Variants in CCSER1 observed in about 807,000 individuals in gnomAD.
CCSER1 encodes coiled-coil serine rich protein 1.
CCSER1 carries 41 observed loss-of-function variants against 82.0 expected under a neutral mutation model. That is an observed-to-expected ratio of 0.50 (90% CI 0.39 to 0.65). CCSER1 has a LOEUF of 0.65. Among genes scored for constraint, CCSER1 ranks in the 30% least tolerant of loss-of-function variants. The pLI is 0.00. For synonymous variants in CCSER1, 414 were observed against 383.9 expected, an observed-to-expected ratio of 1.08 and a Z score of -0.92; for missense variants, 1,119 against 1,064.2, an observed-to-expected ratio of 1.05 and a Z score of -0.72.
At chr4:90,551,702 C>G (rs1317649311) in intron 5 of CCSER1, among the ~76,000 whole-genome samples, 1 of 113,972 alleles carries the variant, frequency 8.8e-6, no homozygotes, top group Non-Finnish European at 1.7e-5. Flanking sequence ...CTCTCTCTCT[C>G]TCTCTATATA....
At chr4:90,867,091 T>C (rs1372670379) in intron 8 of CCSER1, among the ~76,000 whole-genome samples, 1 of 152,024 alleles carries the variant, frequency 6.6e-6, no homozygotes, top group African/African-American at 2.4e-5. Context: ...CTATTCGCAC[T>C]TGCCCTCCCC....
intron 8 of CCSER1, among the ~76,000 whole-genome samples, chr4:90,862,970 G>A (rs1479497837): frequency 7.3e-6 from 1 of 136,336 alleles, no homozygotes; most frequent in South Asian, 2.3e-4. Flanking sequence ...TTAAGTTTTA[G>A]GGTACATGTG....
At chr4:91,399,757 TA>T (rs1354133262) in intron 10 of CCSER1, among the ~76,000 whole-genome samples, 1 of 151,964 alleles carries the variant, frequency 6.6e-6, no homozygotes, top group Non-Finnish European at 1.5e-5. Context: ...AGAGCAAATA[TA>T]AACTTGTGCT....
intron 9 of CCSER1, among the ~76,000 whole-genome samples, chr4:90,933,376 A>G (rs924932884): frequency 6.6e-6 from 1 of 151,442 alleles, no homozygotes; most frequent in Non-Finnish European, 1.5e-5. Context: ...TTTAGTAGAG[A>G]CGGGGTTTCA....
At chr4:90,801,722 C>T (rs960049638) in intron 7 of CCSER1, among the ~76,000 whole-genome samples, 3 of 152,064 alleles carry the variant, frequency 2.0e-5, no homozygotes, top group Admixed American at 2.0e-4. Flanking sequence ...TTACTTTGAT[C>T]ATGGATATAT....
chr4:91,123,529 C>T (rs1050002644), intron 10 of CCSER1, among the ~76,000 whole-genome samples: 6 of 151,594 alleles, frequency 4.0e-5, no homozygotes, highest in Non-Finnish European at 7.4e-5. Context: ...GAAACCTAAG[C>T]CTTAACTCAA....
At position 90,506,458 on chromosome 4, in the gene CCSER1, T is replaced by C. The variant is rs555837237; in HGVS notation, c.1724+38104T>C. 5.9e-5 allele frequency among the ~76,000 whole-genome samples: 9 copies of C among 152,316 alleles called. No individual in the cohort carries two copies. In the South Asian group the frequency reaches 1.9e-3, roughly 32 times the overall value. On this transcript the variant is annotated intron_variant, in intron 5 of 10. Transcript: ENST00000509176. ...TTTAATTCATCCAAATAAATGTTTTTCAGCATTTAAATATTAACTTTAGGC... is the reference window on the plus strand; with the variant it reads ...TTTAATTCATCCAAATAAATGTTTTCCAGCATTTAAATATTAACTTTAGGC...
intron 3 of CCSER1, among the ~76,000 whole-genome samples, chr4:90,332,653 TTCTC>T (rs1225766759): frequency 4.6e-5 from 7 of 152,214 alleles, no homozygotes; most frequent in Non-Finnish European, 5.9e-5. Context: ...TTGTCTTTCT[TTCTC>T]TCTCCTTCTG....
At chr4:91,002,661 T>C (rs1738140137) in intron 9 of CCSER1, among the ~76,000 whole-genome samples, 1 of 152,186 alleles carries the variant, frequency 6.6e-6, no homozygotes, top group Non-Finnish European at 1.5e-5. Flanking sequence ...CTTGTATCTT[T>C]TTTAAAATTT....
At chr4:90,573,469 A>T (rs1010981161) in intron 5 of CCSER1, among the ~76,000 whole-genome samples, 8 of 152,174 alleles carry the variant, frequency 5.3e-5, no homozygotes, top group African/African-American at 1.4e-4. Flanking sequence ...CAAAGTGGAT[A>T]TTATCTCTCT....
intron 5 of CCSER1, among the ~76,000 whole-genome samples, chr4:90,535,151 A>G (rs1054653516): frequency 3.9e-5 from 6 of 152,182 alleles, no homozygotes; most frequent in Non-Finnish European, 7.3e-5. Flanking sequence ...ATACATTATT[A>G]ATATATTTTA....
chr4:90,901,123 G>A (rs1029451561), intron 8 of CCSER1, among the ~76,000 whole-genome samples: 5 of 151,656 alleles, frequency 3.3e-5, no homozygotes, highest in Non-Finnish European at 5.9e-5. Flanking sequence ...GCTCTTTCTT[G>A]TTTTTCATTT....
intron 10 of CCSER1, among the ~76,000 whole-genome samples, chr4:91,323,952 A>G (rs1288458184): frequency 6.6e-6 from 1 of 152,174 alleles, no homozygotes; most frequent in Non-Finnish European, 1.5e-5. Flanking sequence ...TGTCTTTTGT[A>G]TTCTCCGTCA....
intron 6 of CCSER1, among the ~76,000 whole-genome samples, chr4:90,638,273 T>G (rs565365815): frequency 6.6e-6 from 1 of 152,128 alleles, no homozygotes; most frequent in African/African-American, 2.4e-5. Flanking sequence ...ATGTGGTTGT[T>G]GCACAGGTTT....
At chr4:91,000,340 T>C (rs951512857) in intron 9 of CCSER1, among the ~76,000 whole-genome samples, 7 of 152,066 alleles carry the variant, frequency 4.6e-5, no homozygotes, top group East Asian at 1.9e-4. Flanking sequence ...GTAGTATAGG[T>C]TGAAATTGGG....
intron 6 of CCSER1, among the ~76,000 whole-genome samples, chr4:90,672,840 C>T (rs896665740): frequency 6.6e-6 from 1 of 151,834 alleles, no homozygotes; most frequent in South Asian, 2.1e-4. Flanking sequence ...GGAGATCCAA[C>T]GAGATGGTCA....
intron 8 of CCSER1, among the ~76,000 whole-genome samples, chr4:90,915,582 G>A (rs1311796669): frequency 6.6e-6 from 1 of 152,120 alleles, no homozygotes; most frequent in Admixed American, 6.5e-5. Context: ...AAAACTGGAA[G>A]CATTCCCTTT....
At chr4:91,053,406 G>T (rs1263421055) in intron 9 of CCSER1, among the ~76,000 whole-genome samples, 3 of 152,122 alleles carry the variant, frequency 2.0e-5, no homozygotes, top group Non-Finnish European at 4.4e-5. Flanking sequence ...GTGGAACATG[G>T]TATCACAAAT....
chr4:91,217,022 T>C (rs996946084), intron 10 of CCSER1, among the ~76,000 whole-genome samples: 2 of 152,176 alleles, frequency 1.3e-5, no homozygotes, highest in African/African-American at 4.8e-5. Context: ...GTTACAGCTC[T>C]TAAGGTGGCG....
Sources: gnomAD v4.1 joint callset for allele counts (sites outside exome capture counted in the v4.1 genomes callset) on GRCh38, gnomAD v4.1.1 for gene constraint, MANE v1.5 for transcripts, NCBI Gene and HGNC (gene_info 2026-07-23, HGNC 2026-07-21) for gene names.